The following SPOCK1 variants were observed in gnomAD, a reference collection of about 807,000 sequenced individuals.
The protein encoded by SPOCK1 is SPARC (osteonectin), cwcv and kazal like domains proteoglycan 1.
In SPOCK1, 23 loss-of-function variants were observed where a neutral mutation model predicts 55.3. The observed-to-expected ratio is 0.42, with a 90% confidence interval of 0.30 to 0.59. The LOEUF is 0.59. Among genes scored for constraint, SPOCK1 ranks in the 20% least tolerant of loss-of-function variants. The pLI, the probability that SPOCK1 is intolerant of heterozygous loss-of-function variation, is 0.22. For synonymous variants in SPOCK1, 226 were observed against 221.0 expected (o/e 1.02, Z -0.20); for missense variants, 499 against 552.5 (o/e 0.90, Z 0.97).
chr5:137,351,447 G>GA (rs1457432736), intron 2 of SPOCK1, among the ~76,000 whole-genome samples: 1 of 152,238 alleles, frequency 6.6e-6, no homozygotes, highest in Non-Finnish European at 1.5e-5. Context: ...GGGTCCTCCT[G>GA]AAAACCACAA....
At chr5:136,998,033 T>C (rs1021529596) in intron 6 of SPOCK1, among the ~76,000 whole-genome samples, 3 of 151,566 alleles carry the variant, frequency 2.0e-5, no homozygotes, top group Admixed American at 6.6e-5. Context: ...GCTTAGCTCA[T>C]AGCATCACTA....
intron 2 of SPOCK1, among the ~76,000 whole-genome samples, chr5:137,270,168 T>G (rs574017943): frequency 6.6e-6 from 1 of 152,320 alleles, no homozygotes; most frequent in South Asian, 2.1e-4. Context: ...AAGTTATGGC[T>G]TGTTAAAATT....
chr5:137,162,051 T>C (rs539094763), intron 3 of SPOCK1, among the ~76,000 whole-genome samples: 21 of 152,288 alleles, frequency 1.4e-4, no homozygotes, highest in East Asian at 1.2e-3. Flanking sequence ...TTTTTCTTTC[T>C]TTCTTTTCCT....
At chr5:137,211,827 C>A (rs986357055) in intron 3 of SPOCK1, among the ~76,000 whole-genome samples, 22 of 152,130 alleles carry the variant, frequency 1.4e-4, no homozygotes, top group African/African-American at 3.6e-4. Flanking sequence ...TTGTTGAACA[C>A]AATCCAAAAG....
chr5:137,139,304 TG>T (rs1406680140), intron 4 of SPOCK1, among the ~76,000 whole-genome samples: 1 of 152,078 alleles, frequency 6.6e-6, no homozygotes, highest in Admixed American at 6.5e-5. Flanking sequence ...CAGAGGGGTA[TG>T]GGGTGGGGGC....
intron 6 of SPOCK1, among the ~76,000 whole-genome samples, chr5:137,058,100 G>A (rs1580729048): frequency 6.6e-6 from 1 of 152,222 alleles, no homozygotes; most frequent in Non-Finnish European, 1.5e-5. Flanking sequence ...AGTACCGAAA[G>A]CATGGGAAAA....
chr5:137,122,191 C>T (rs1399739980), intron 4 of SPOCK1, among the ~76,000 whole-genome samples: 1 of 151,364 alleles, frequency 6.6e-6, no homozygotes, highest in Non-Finnish European at 1.5e-5. Context: ...CCTCAAAGTT[C>T]AGTTGTTGAA....
chr5:137,205,778 A>T (rs1755509438), intron 3 of SPOCK1, among the ~76,000 whole-genome samples: 1 of 152,208 alleles, frequency 6.6e-6, no homozygotes, highest in Non-Finnish European at 1.5e-5. Flanking sequence ...TGGGGAGAGA[A>T]ACAGTGGAAT....
chr5:137,382,424 AC>A (rs1278159601), intron 2 of SPOCK1, among the ~76,000 whole-genome samples: 4 of 152,218 alleles, frequency 2.6e-5, no homozygotes. Context: ...CTCTCCTGGT[AC>A]CAATTTTATG....
intron 9 of SPOCK1, among the ~76,000 whole-genome samples, chr5:136,981,990 G>A (rs1750740818): frequency 1.3e-5 from 2 of 152,238 alleles, no homozygotes; most frequent in South Asian, 4.1e-4. Flanking sequence ...CCTTTTCTAT[G>A]TTTAGATATA....
At chr5:137,171,451 G>T (rs189620782) in intron 3 of SPOCK1, among the ~76,000 whole-genome samples, 2 of 152,112 alleles carry the variant, frequency 1.3e-5, no homozygotes, top group African/African-American at 4.8e-5. Context: ...CCTTCTTGAA[G>T]CCACCACATG....
chr5:137,211,049 C>A (rs925043042), intron 3 of SPOCK1, among the ~76,000 whole-genome samples: 4 of 152,200 alleles, frequency 2.6e-5, no homozygotes, highest in African/African-American at 9.7e-5. Context: ...CTCAGCCCTT[C>A]GTATACCTGA....
chr5:137,450,022 T>C (rs1193012034), intron 2 of SPOCK1, among the ~76,000 whole-genome samples: 1 of 151,370 alleles, frequency 6.6e-6, no homozygotes, highest in African/African-American at 2.4e-5. Context: ...AAAAAAACTC[T>C]ATAGAAGAGT....
chr5:137,214,510 C>T (rs1461186508), intron 3 of SPOCK1, among the ~76,000 whole-genome samples: 1 of 151,432 alleles, frequency 6.6e-6, no homozygotes, highest in Non-Finnish European at 1.5e-5. Flanking sequence ...TTCTCTACAG[C>T]CAAGCAGACT....
intron 6 of SPOCK1, among the ~76,000 whole-genome samples, chr5:137,017,844 G>A (rs1171941654): frequency 1.3e-5 from 2 of 152,104 alleles, no homozygotes; most frequent in African/African-American, 4.8e-5. Context: ...AAAATGAAAG[G>A]TTTATGTTCA....
intron 2 of SPOCK1, among the ~76,000 whole-genome samples, chr5:137,432,251 T>G (rs956325061): frequency 9.2e-5 from 14 of 152,210 alleles, no homozygotes; most frequent in African/African-American, 3.1e-4. Flanking sequence ...ATTCCACTTC[T>G]GGATATACAC....
intron 6 of SPOCK1, among the ~76,000 whole-genome samples, chr5:137,038,333 T>C (rs750983034): frequency 6.6e-6 from 1 of 152,222 alleles, no homozygotes; most frequent in Non-Finnish European, 1.5e-5. Context: ...TGCTGGTATC[T>C]GGCAGGTAAG....
chr5:137,181,374 T>C (rs536938351), intron 3 of SPOCK1, among the ~76,000 whole-genome samples: 2 of 152,356 alleles, frequency 1.3e-5, no homozygotes, highest in Admixed American at 6.5e-5. Flanking sequence ...CAAAGGTATC[T>C]GCTTTAGGGT....
intron 6 of SPOCK1, among the ~76,000 whole-genome samples, chr5:137,017,895 T>C (rs1057348686): frequency 6.6e-6 from 1 of 152,228 alleles, no homozygotes; most frequent in African/African-American, 2.4e-5. Context: ...GAAGACAGCC[T>C]ATGGGCAACC....
Sources: gnomAD v4.1 joint callset for allele counts (sites outside exome capture counted in the v4.1 genomes callset) on GRCh38, gnomAD v4.1.1 for gene constraint, MANE v1.5 for transcripts, NCBI Gene and HGNC (gene_info 2026-07-23, HGNC 2026-07-21) for gene names.